Variants in RBFOX1 observed in about 807,000 individuals in gnomAD.
RBFOX1 encodes RNA binding fox-1 homolog 1.
A neutral mutation model predicts 57.7 loss-of-function variants in RBFOX1; 8 were observed. The observed-to-expected ratio is 0.14, with a 90% CI of 0.08 to 0.25. The LOEUF (loss-of-function observed/expected upper bound fraction) is 0.25. RBFOX1 is among the 10% of genes least tolerant of loss of function. The probability of loss-of-function intolerance (pLI) is 1.00; values close to 1 mark genes in which losing one functional copy is unlikely to be tolerated. For synonymous variants in RBFOX1, 326 were observed against 222.4 expected (o/e 1.47, Z -4.15); for missense variants, 611 against 548.5 (o/e 1.11, Z -1.14).
intron 3 of RBFOX1, among the ~76,000 whole-genome samples, chr16:6,784,527 C>G (rs918042430): frequency 2.6e-5 from 4 of 152,078 alleles, no homozygotes; most frequent in African/African-American, 9.7e-5. Context: ...TCTATGTTAT[C>G]TCCAAGTTTG....
At chr16:5,888,580 G>A (rs2057957868) in intron 4 of RBFOX1, among the ~76,000 whole-genome samples, 1 of 152,038 alleles carries the variant, frequency 6.6e-6, no homozygotes, top group South Asian at 2.1e-4. Flanking sequence ...CAGATAATCT[G>A]AGGTCAGGAG....
intron 2 of RBFOX1, among the ~76,000 whole-genome samples, chr16:5,562,441 C>T (rs1444924877): frequency 6.6e-6 from 1 of 152,028 alleles, no homozygotes; most frequent in Non-Finnish European, 1.5e-5. Context: ...ATGCTGGGGC[C>T]AGGGCTGCAG....
chr16:6,967,866 G>T (rs1445995637), intron 3 of RBFOX1, among the ~76,000 whole-genome samples: 5 of 152,084 alleles, frequency 3.3e-5, no homozygotes, highest in Admixed American at 1.3e-4. Context: ...TGAAGAATTG[G>T]GTTGTCAGTC....
intron 4 of RBFOX1, among the ~76,000 whole-genome samples, chr16:5,901,733 A>G (rs1007619270): frequency 1.3e-5 from 2 of 152,214 alleles, no homozygotes; most frequent in Non-Finnish European, 2.9e-5. Context: ...TTTCATCACT[A>G]CAGAATTTTT....
chr16:6,756,987 C>G (rs1044936330), intron 3 of RBFOX1, among the ~76,000 whole-genome samples: 3 of 19,968 alleles, frequency 1.5e-4, no homozygotes, highest in Admixed American at 9.3e-4. Flanking sequence ...AACAAACAGA[C>G]AAACAAACAA....
chr16:6,909,510 T>G (rs1229354360), intron 3 of RBFOX1, among the ~76,000 whole-genome samples: 2 of 152,168 alleles, frequency 1.3e-5, no homozygotes, highest in African/African-American at 4.8e-5. Flanking sequence ...TCTATCACAC[T>G]CTCTAAAGGC....
At chr16:6,828,791 C>T (rs61179254) in intron 3 of RBFOX1, among the ~76,000 whole-genome samples, 28,811 of 151,928 alleles carry the variant, frequency 0.19, 3,311 homozygotes, top group East Asian at 0.52. Flanking sequence ...AGAATACCTA[C>T]GTTTGGTGTA....
intron 2 of RBFOX1, among the ~76,000 whole-genome samples, chr16:6,409,501 C>G (rs2093389608): frequency 1.3e-5 from 2 of 152,122 alleles, no homozygotes; most frequent in South Asian, 2.1e-4. Context: ...GTTAAGATGC[C>G]TTTGAGTGTT....
intron 2 of RBFOX1, among the ~76,000 whole-genome samples, chr16:6,390,872 G>A (rs916530819): frequency 1.3e-5 from 2 of 152,134 alleles, no homozygotes; most frequent in African/African-American, 4.8e-5. Context: ...TTTAGTGGAT[G>A]ATAGGGAAGG....
chr16:5,820,507 G>C (rs1182279181), intron 3 of RBFOX1, among the ~76,000 whole-genome samples: 2 of 152,140 alleles, frequency 1.3e-5, no homozygotes, highest in Admixed American at 6.5e-5. Flanking sequence ...CTAGCCACAA[G>C]GGAGGGGAAC....
intron 3 of RBFOX1, among the ~76,000 whole-genome samples, chr16:5,799,942 C>G (rs1336827685): frequency 6.6e-6 from 1 of 151,992 alleles, no homozygotes; most frequent in Non-Finnish European, 1.5e-5. Flanking sequence ...GTTTCATATA[C>G]TAAATATATA....
chr16:6,084,020 A>G (rs2096050349), intron 1 of RBFOX1, among the ~76,000 whole-genome samples: 1 of 152,156 alleles, frequency 6.6e-6, no homozygotes, highest in Non-Finnish European at 1.5e-5. Flanking sequence ...AATTTAGTAG[A>G]GTATAACGGT....
At chr16:5,573,183 A>G (rs2046343503) in intron 2 of RBFOX1, among the ~76,000 whole-genome samples, 1 of 152,108 alleles carries the variant, frequency 6.6e-6, no homozygotes, top group Non-Finnish European at 1.5e-5. Flanking sequence ...GGAGGTTTGG[A>G]GGAAGACTGT....
intron 4 of RBFOX1, among the ~76,000 whole-genome samples, chr16:7,089,511 T>G (rs1416716118): frequency 2.0e-5 from 3 of 152,206 alleles, no homozygotes; most frequent in African/African-American, 7.2e-5. Flanking sequence ...TGTGAACAGA[T>G]TCTGGTTAAT....
chr16:7,315,546 T>G (rs1163065471), intron 4 of RBFOX1, among the ~76,000 whole-genome samples: 6 of 151,960 alleles, frequency 3.9e-5, no homozygotes, highest in Non-Finnish European at 5.9e-5. Flanking sequence ...GCTTATAAAT[T>G]TTTTTAACTG....
intron 3 of RBFOX1, among the ~76,000 whole-genome samples, chr16:6,828,514 C>T (rs181032219): frequency 3.7e-4 from 55 of 150,310 alleles, no homozygotes; most frequent in Middle Eastern, 3.4e-3. Context: ...CAGAGCGAGA[C>T]GTGTCTTTAA....
chr16:6,649,018 C>A (rs572985263), intron 2 of RBFOX1, among the ~76,000 whole-genome samples: 8 of 152,246 alleles, frequency 5.3e-5, no homozygotes, highest in Non-Finnish European at 8.8e-5. Context: ...ATGTTGTGAA[C>A]TGTAGTCACC....
chr16:6,653,739 T>C (rs756589509), intron 2 of RBFOX1, among the ~76,000 whole-genome samples: 1 of 150,740 alleles, frequency 6.6e-6, no homozygotes, highest in Non-Finnish European at 1.5e-5. Flanking sequence ...GATGGATAGA[T>C]GGATGGATGG....
chr16:5,716,489 A>G (rs1462640967), intron 3 of RBFOX1, among the ~76,000 whole-genome samples: 1 of 152,246 alleles, frequency 6.6e-6, no homozygotes, highest in African/African-American at 2.4e-5. Context: ...AGAAATGCAA[A>G]TCAAAACTGC....
Sources: allele counts gnomAD v4.1 joint callset (sites outside exome capture counted in the v4.1 genomes callset), GRCh38; gene constraint gnomAD v4.1.1; transcripts MANE v1.5; gene names NCBI Gene and HGNC (gene_info 2026-07-23, HGNC 2026-07-21).